Variants in DIDO1 observed in about 807,000 individuals in gnomAD.
DIDO1 encodes death-inducer obliterator 1.
In DIDO1, 16 loss-of-function variants were observed where a neutral mutation model predicts 99.4. That is an observed-to-expected ratio of 0.16 (90% CI 0.11 to 0.24). The LOEUF (loss-of-function observed/expected upper bound fraction) is 0.24, where lower values mean the gene tolerates loss of function less well. Ranked by LOEUF, DIDO1 falls within the 10% of genes least tolerant of loss-of-function variation. The pLI is 1.00. For missense variants in DIDO1, 2,996 were observed against 3,014.0 expected (o/e 0.99, Z 0.14); for synonymous variants, 1,366 against 1,239.1 (o/e 1.10, Z -2.15).
rs755331950 is a variant in DIDO1, at chr20:62,879,672, G to T, written c.6284C>A (p.Pro2095His). Residue 2095 changes from proline to histidine, a missense_variant, in exon 16 of 16, where the codon CCC becomes CAC. By Grantham distance (77) the Pro-to-His change is moderately conservative. Transcript: ENST00000395343. This position sits in a 1 kb window ranked among gnomAD's most constrained non-coding sequence, Gnocchi z 6.3. ...GGGCTCCTCCAGCGGCTTCTCTTTG[G>T]GCCCCACGTCAAACCGCTCTCTCTG... ...GRQRERFDVG[P>H]KEKPLEEPDA... 1.9e-6 allele frequency: 3 copies of T among 1,609,384 alleles called. No homozygotes were observed. In the South Asian group the frequency reaches 3.3e-5, roughly 18 times the overall value.
At position 62,881,373 on chromosome 20, in the gene DIDO1, G is replaced by A. The variant is rs2064202500; in HGVS notation, c.4583C>T (p.Ser1528Phe). Reference protein sequence around the residue: ...DALMSPPPKSSLPKAELFQQE... With the variant: ...DALMSPPPKSFLPKAELFQQE... The stretch of plus-strand genomic sequence containing the variant: ...CTGGAACAGCTCTGCCTTGGGCAAG[G>A]ACGACTTTGGTGGTGGAGACATCAA... The change falls in exon 16 of 16, where the codon TCC becomes TTC. Residue 1528 changes from serine to phenylalanine, a missense_variant. Ser to Phe is a radical substitution (Grantham distance 155). Coordinates refer to ENST00000395343, the MANE Select transcript of DIDO1 (RefSeq NM_001193369.2). This position sits in a 1 kb window ranked among gnomAD's most constrained non-coding sequence, Gnocchi z 8.3. The A allele has an allele frequency of 6.2e-7, 1 of 1,606,786 alleles. No homozygotes were observed. The highest frequency in any genetic ancestry group is 8.5e-7 in the Non-Finnish European group (1 of 1,179,908).
In DIDO1 at chr20:62,889,376, C is replaced by G. The variant is rs2064353829; in HGVS notation, c.3541+1584G>C. The G allele has an allele frequency of 1.4e-5, 14 of 985,258 alleles. No homozygotes were observed. The South Asian group carries it at 6.6e-4, about 46-fold the overall frequency. 61.0% of individuals were successfully genotyped at this position (985,258 alleles called of 1,614,324 possible). On this transcript the variant is annotated intron_variant, in intron 15 of 15. Transcript: ENST00000395343. Reference sequence around the variant, plus strand: ...GCTCGCTCAACACCCTACAACCGTGCTCACCTGACAGCTCCAAGTTTGGAG... The same window carrying G: ...GCTCGCTCAACACCCTACAACCGTGGTCACCTGACAGCTCCAAGTTTGGAG...
upstream of DIDO1, among the ~76,000 whole-genome samples, chr20:62,929,695 G>GATATATATATATA (rs2065308341): frequency 1.0e-5 from 1 of 97,972 alleles, no homozygotes; most frequent in Non-Finnish European, 2.0e-5. Context: ...AAGAAAAAGT[G>GATATATATATATA]TATATATATA....
At chr20:62,922,050 A>C (rs28566727) in intron 1 of DIDO1, among the ~76,000 whole-genome samples, 2 of 122,576 alleles carry the variant, frequency 1.6e-5, no homozygotes, top group African/African-American at 3.9e-5. Context: ...TATACACACA[A>C]TATATATATA....
chr20:62,931,039 C>CA (rs1401064223), upstream of DIDO1, among the ~76,000 whole-genome samples: 26 of 152,330 alleles, frequency 1.7e-4, no homozygotes, highest in African/African-American at 5.5e-4. Context: ...CTCCCAGGCT[C>CA]AAGCAACCCT....
At chr20:62,899,397 A>G (rs2064611006) in intron 6 of DIDO1, among the ~76,000 whole-genome samples, 1 of 152,240 alleles carries the variant, frequency 6.6e-6, no homozygotes, top group Non-Finnish European at 1.5e-5. Flanking sequence ...TTAGGGTTAC[A>G]TGCTACCTTC....
intron 1 of DIDO1, among the ~76,000 whole-genome samples, chr20:62,933,678 T>C (rs568148524): frequency 6.6e-6 from 1 of 152,322 alleles, no homozygotes; most frequent in East Asian, 1.9e-4. Flanking sequence ...GAGAACAGCC[T>C]GGGCAACATA....
At chr20:62,930,538 G>A (rs572517613), upstream of DIDO1, among the ~76,000 whole-genome samples, 2 of 152,282 alleles carry the variant, frequency 1.3e-5, no homozygotes, top group East Asian at 1.9e-4. Flanking sequence ...CGTTCTATGC[G>A]GCATATGAGA....
rs1490162773 is a variant in DIDO1, at chr20:62,894,497, G to T, written c.2488C>A (p.Leu830Ile). ...TTCAACATGCTGCTGAAGACGTCGA[G>T]AAGCGGCGCTGTGCTCTTCTCAGGG... Reference protein sequence around the residue: ...AVPEKSTAPLLDVFSSMLKDT... With the variant: ...AVPEKSTAPLIDVFSSMLKDT... Residue 830 changes from leucine (L) to isoleucine (I), a missense_variant, in exon 11 of 16, where the codon CTC (leucine) becomes ATC (isoleucine). Leu to Ile is a conservative substitution (Grantham distance 5). Coordinates refer to ENST00000395343, the MANE Select transcript of DIDO1 (RefSeq NM_001193369.2). This position sits in a 1 kb window ranked among gnomAD's most constrained non-coding sequence, Gnocchi z 4.4. 6.2e-7 allele frequency: 1 copy of T among 1,613,372 alleles called. No homozygotes were observed. Among genetic ancestry groups the T allele is most frequent in the Non-Finnish European group, 8.5e-7 (1 of 1,180,016 alleles).
intron 8 of DIDO1, among the ~76,000 whole-genome samples, chr20:62,895,591 G>A (rs1424812885): frequency 6.6e-6 from 1 of 152,260 alleles, no homozygotes; most frequent in Admixed American, 6.5e-5. Context: ...ATGGTGAGAT[G>A]CAAAGTCAGG....
intron 1 of DIDO1, among the ~76,000 whole-genome samples, chr20:62,934,870 AC>A (rs1425454080): frequency 6.6e-6 from 1 of 151,772 alleles, no homozygotes; most frequent in Non-Finnish European, 1.5e-5. Flanking sequence ...TTCTTGTCAG[AC>A]CCCCCGGCCA....
intron 1 of DIDO1, among the ~76,000 whole-genome samples, chr20:62,918,229 G>A (rs186230445): frequency 6.6e-6 from 1 of 152,328 alleles, no homozygotes; most frequent in East Asian, 1.9e-4. Context: ...CAATGCATGG[G>A]TTTGCAACCA....
intron 15 of DIDO1, chr20:62,888,523 C>T: frequency 1.0e-6 from 1 of 985,520 alleles, no homozygotes; most frequent in Non-Finnish European, 1.2e-6. Context: ...ACGCTCACCC[C>T]TGACCACAGC....
chr20:62,923,604 G>T (rs1365641046), intron 1 of DIDO1, among the ~76,000 whole-genome samples: 1 of 152,344 alleles, frequency 6.6e-6, no homozygotes, highest in Non-Finnish European at 1.5e-5. Context: ...GTTCACTAGT[G>T]CAAAACAGCT....
rs1176602372 is a variant in DIDO1 at position 62,878,943 on chromosome 20, C to T, written c.*290G>A. 2 of 314,074 alleles carry T rather than the reference C, an allele frequency of 6.4e-6. No individual in the cohort carries two copies. The highest frequency in any genetic ancestry group is 4.3e-5 in the African/African-American group (2 of 46,312). 19.5% of individuals were successfully genotyped at this position (314,074 alleles called of 1,614,324 possible). On this transcript the variant is annotated 3_prime_UTR_variant, in exon 16 of 16. Transcript: ENST00000395343. ...TCCAACGAAACTCCCTTAAAATTTA[C>T]AATAAAGTTATTGGAAAAGATAACT...
At chr20:62,929,281 G>A (rs950092714), upstream of DIDO1, 4 of 152,228 alleles carry the variant, frequency 2.6e-5, no homozygotes, top group African/African-American at 7.2e-5. Flanking sequence ...CCCCCGCCGA[G>A]GCCACCGGGC....
chr20:62,926,963 G>A (rs1225876072), upstream of DIDO1, among the ~76,000 whole-genome samples: 2 of 152,218 alleles, frequency 1.3e-5, no homozygotes, highest in Non-Finnish European at 2.9e-5. Context: ...TCCAGATTGT[G>A]TTTCTCAAAA....
chr20:62,896,103 G>T lies in DIDO1; in HGVS notation c.2214+130C>A. The T allele has an allele frequency of 5.9e-6, 6 of 1,019,688 alleles. No individual in the cohort carries two copies. Among genetic ancestry groups the T allele is most frequent in the Non-Finnish European group, 8.6e-6 (6 of 697,730 alleles). The allele number at this position is 1,019,688 out of a possible 1,614,324, so 63.2% of individuals were successfully genotyped here. On this transcript the variant is annotated intron_variant, in intron 8 of 15. Coordinates refer to ENST00000395343, the MANE Select transcript of DIDO1 (RefSeq NM_001193369.2). This position sits in a 1 kb window ranked among gnomAD's most constrained non-coding sequence, Gnocchi z 4.4. ...TGCAACAATACGTGGGCGGCAGAAG[G>T]ATCACAGAGGAGAAAGAAACGTCTT...
At chr20:62,893,623 A>G (rs758420495) in intron 12 of DIDO1, 43 bp downstream of exon 12, 1 of 1,512,736 alleles carries the variant, frequency 6.6e-7, no homozygotes, top group Admixed American at 2.2e-5. Context: ...CGTTAATCTA[A>G]AAAAAAAGTT....
Sources: allele counts gnomAD v4.1 joint callset (sites outside exome capture counted in the v4.1 genomes callset), GRCh38; gene constraint gnomAD v4.1.1; non-coding constraint Gnocchi (gnomAD v3.1); transcripts MANE v1.5; gene names NCBI Gene and HGNC (gene_info 2026-07-23, HGNC 2026-07-21).